GPC6: variants seen among roughly 807,000 people sequenced by gnomAD.
The protein encoded by GPC6 is glypican 6.
In GPC6, 14 loss-of-function variants were observed where a neutral mutation model predicts 55.2. The observed-to-expected ratio is 0.25, with a 90% CI of 0.17 to 0.40. GPC6 has a LOEUF of 0.40. Among genes scored for constraint, GPC6 ranks in the 10% least tolerant of loss-of-function variants. The probability of loss-of-function intolerance (pLI) is 1.00; values close to 1 mark genes in which losing one functional copy is unlikely to be tolerated. For synonymous variants in GPC6, 278 were observed against 259.6 expected (o/e 1.07, Z -0.68); for missense variants, 641 against 708.5 (o/e 0.90, Z 1.08).
chr13:93,281,031 T>C (rs1877933902), intron 1 of GPC6, among the ~76,000 whole-genome samples: 1 of 152,202 alleles, frequency 6.6e-6, no homozygotes, highest in Non-Finnish European at 1.5e-5. Context: ...TGGGGACCCC[T>C]GTTTTAAAGC....
chr13:93,553,189 G>A (rs1297253461), intron 2 of GPC6, among the ~76,000 whole-genome samples: 1 of 152,142 alleles, frequency 6.6e-6, no homozygotes, highest in Admixed American at 6.5e-5. Flanking sequence ...TTAGTGATAA[G>A]TAATAGGGAT....
chr13:94,279,445 A>T (rs1279171148), intron 4 of GPC6, among the ~76,000 whole-genome samples: 2 of 148,872 alleles, frequency 1.3e-5, no homozygotes, highest in East Asian at 3.9e-4. Flanking sequence ...TATCTCCTTC[A>T]ATTCTGCCCC....
At chr13:94,016,911 T>C (rs1882489054) in intron 3 of GPC6, among the ~76,000 whole-genome samples, 1 of 152,008 alleles carries the variant, frequency 6.6e-6, no homozygotes, top group African/African-American at 2.4e-5. Flanking sequence ...CTCAGCTCAC[T>C]GCAACCTCCG....
At chr13:93,541,968 T>C (rs1402268516) in intron 1 of GPC6, among the ~76,000 whole-genome samples, 1 of 152,190 alleles carries the variant, frequency 6.6e-6, no homozygotes, top group Non-Finnish European at 1.5e-5. Flanking sequence ...TCCCATCTTG[T>C]AGGTTGCCTG....
intron 1 of GPC6, among the ~76,000 whole-genome samples, chr13:93,508,321 A>G (rs1880813828): frequency 6.6e-6 from 1 of 152,210 alleles, no homozygotes; most frequent in Non-Finnish European, 1.5e-5. Context: ...AATGGAAAGC[A>G]AGTCACCAAC....
intron 1 of GPC6, among the ~76,000 whole-genome samples, chr13:93,295,820 T>A (rs1314973379): frequency 6.6e-6 from 1 of 152,144 alleles, no homozygotes; most frequent in Non-Finnish European, 1.5e-5. Context: ...GCCATTCTCA[T>A]GTCTCAGCCT....
chr13:93,612,185 A>G (rs1487684839), intron 2 of GPC6, among the ~76,000 whole-genome samples: 2 of 152,214 alleles, frequency 1.3e-5, no homozygotes, highest in African/African-American at 4.8e-5. Flanking sequence ...TCCTTATTAT[A>G]GAATAAAATA....
In GPC6 at chr13:93,227,703, T is replaced by A; in HGVS notation, c.160+87T>A. ...CGCCCGGCGTCCCCTTCCTTCCCCCTGTTGCTGAGTTGGTGCTCACTTTCT... is the reference window on the plus strand; with the variant it reads ...CGCCCGGCGTCCCCTTCCTTCCCCCAGTTGCTGAGTTGGTGCTCACTTTCT... On this transcript the variant is annotated intron_variant, in intron 1 of 8. Transcript: ENST00000377047. This position sits in a 1 kb window ranked among gnomAD's most constrained non-coding sequence, Gnocchi z 4.3. The A allele has an allele frequency of 9.3e-7, 1 of 1,070,236 alleles. No homozygotes were observed. The allele number at this position is 1,070,236 out of a possible 1,614,324, so 66.3% of individuals were successfully genotyped here.
At chr13:94,338,635 C>T (rs1017977681) in intron 6 of GPC6, among the ~76,000 whole-genome samples, 2 of 152,154 alleles carry the variant, frequency 1.3e-5, no homozygotes, top group South Asian at 2.1e-4. Flanking sequence ...CTACTGAGAC[C>T]TAACCATCTG....
chr13:94,100,396 A>G (rs1193776573), intron 4 of GPC6, among the ~76,000 whole-genome samples: 1 of 152,192 alleles, frequency 6.6e-6, no homozygotes, highest in South Asian at 2.1e-4. Flanking sequence ...ATTTTCCTTT[A>G]TCTAAATGAA....
intron 2 of GPC6, among the ~76,000 whole-genome samples, chr13:93,795,286 A>T (rs1387647385): frequency 6.6e-6 from 1 of 152,236 alleles, no homozygotes; most frequent in Non-Finnish European, 1.5e-5. Flanking sequence ...CAATATTATT[A>T]TCTTTAAAGC....
At chr13:93,905,217 A>G (rs959838597) in intron 3 of GPC6, among the ~76,000 whole-genome samples, 3 of 151,828 alleles carry the variant, frequency 2.0e-5, no homozygotes, top group African/African-American at 7.3e-5. Context: ...AAAGCACCTT[A>G]ATGCTGAAAT....
At chr13:93,597,229 A>G (rs2139517866) in intron 2 of GPC6, among the ~76,000 whole-genome samples, 1 of 152,278 alleles carries the variant, frequency 6.6e-6, no homozygotes, top group African/African-American at 2.4e-5. Context: ...GTTGGATCAA[A>G]GGCATAGGCA....
rs189876369 is a variant in GPC6, at chr13:93,775,285, G to T, written c.320-54869G>T. On this transcript the variant is annotated intron_variant, in intron 2 of 8. Transcript: ENST00000377047. ...CTCCCGAGTAGCTGGGACCATAGGC[G>T]CACACTGCCTCCTGGCATTCTCATT... is the stretch of plus-strand genomic sequence containing the variant. 2.1e-3 allele frequency among the ~76,000 whole-genome samples: 327 copies of T among 152,230 alleles called. 1 individual carries two copies. Among genetic ancestry groups the T allele is most frequent in the African/African-American group, 7.6e-3 (315 of 41,540 alleles).
Position 93,830,446 on chromosome 13 carries a change from C to T in GPC6, c.612C>T (p.Pro204=), listed in dbSNP as rs1887440789. The T allele has an allele frequency of 6.2e-7, 1 of 1,613,676 alleles. No individual in the cohort carries two copies. The highest frequency in any genetic ancestry group is 1.3e-5 in the African/African-American group (1 of 74,956). ...TDQLKPFGDV[P]RKLKIQVTRA... Reference sequence around the variant, plus strand: ...AGCTCAAGCCATTTGGAGACGTGCCCCGGAAACTGAAGATTCAGGTTACCC... The same window carrying T: ...AGCTCAAGCCATTTGGAGACGTGCCTCGGAAACTGAAGATTCAGGTTACCC... The change falls in exon 3 of 9, where the codon CCC becomes CCT. Residue 204 remains proline (P), a synonymous_variant. Transcript: ENST00000377047.
intron 3 of GPC6, among the ~76,000 whole-genome samples, chr13:93,997,248 C>T (rs1881596757): frequency 6.6e-6 from 1 of 152,156 alleles, no homozygotes; most frequent in Non-Finnish European, 1.5e-5. Flanking sequence ...TCACTTTGAG[C>T]TACATCTGTG....
intron 1 of GPC6, among the ~76,000 whole-genome samples, chr13:93,341,334 A>G (rs1053011983): frequency 5.3e-5 from 8 of 152,344 alleles, no homozygotes; most frequent in East Asian, 1.9e-4. Context: ...ACTGTTTTCC[A>G]TAGTGGTTGT....
At chr13:93,612,213 T>C (rs1268949661) in intron 2 of GPC6, among the ~76,000 whole-genome samples, 2 of 152,142 alleles carry the variant, frequency 1.3e-5, no homozygotes, top group African/African-American at 4.8e-5. Flanking sequence ...AAATACTTCA[T>C]GTTAGGCTGG....
chr13:94,357,896 A>G, intron 6 of GPC6, among the ~76,000 whole-genome samples: 1 of 150,722 alleles, frequency 6.6e-6, no homozygotes, highest in East Asian at 1.9e-4. Context: ...TGAAAGTAGA[A>G]CCGATGTCTT....
Sources: allele counts gnomAD v4.1 joint callset (sites outside exome capture counted in the v4.1 genomes callset), GRCh38; gene constraint gnomAD v4.1.1; non-coding constraint Gnocchi (gnomAD v3.1); transcripts MANE v1.5; gene names NCBI Gene and HGNC (gene_info 2026-07-23, HGNC 2026-07-21).